SLC25A13: variants seen among roughly 807,000 people sequenced by gnomAD.
The protein encoded by SLC25A13 is electrogenic aspartate/glutamate antiporter SLC25A13, mitochondrial.
SLC25A13 carries 70 observed loss-of-function variants against 85.5 expected under a neutral mutation model. The ratio of observed to expected loss-of-function variants is 0.82; its 90% confidence interval spans 0.68 to 1.00. The LOEUF (loss-of-function observed/expected upper bound fraction) is 1.00, where lower values mean the gene tolerates loss of function less well. SLC25A13 is among the 50% of genes least tolerant of loss of function. SLC25A13 has a pLI of 0.00. For missense variants in SLC25A13, 765 were observed against 819.8 expected, an observed-to-expected ratio of 0.93 and a Z score of 0.82; for synonymous variants, 259 against 288.7, an observed-to-expected ratio of 0.90 and a Z score of 1.04.
At chr7:96,174,043 T>C (rs1002680756) in intron 11 of SLC25A13, among the ~76,000 whole-genome samples, 3 of 152,122 alleles carry the variant, frequency 2.0e-5, no homozygotes, top group African/African-American at 7.2e-5. Context: ...AGGAAGTGCA[T>C]TGGTGGACAG....
At chr7:96,277,104 A>C in intron 3 of SLC25A13, 92 bp downstream of exon 3, 1 of 1,248,136 alleles carries the variant, frequency 8.0e-7, no homozygotes, top group African/African-American at 1.5e-5. Context: ...AGAGATGGGA[A>C]GGTATACATT....
intron 3 of SLC25A13, among the ~76,000 whole-genome samples, chr7:96,260,438 A>G (rs553465630): frequency 1.3e-5 from 2 of 152,170 alleles, no homozygotes; most frequent in East Asian, 3.9e-4. Flanking sequence ...TCAATACAAA[A>G]AAGACCCCAA....
intron 1 of SLC25A13, among the ~76,000 whole-genome samples, chr7:96,306,151 G>A (rs908938057): frequency 2.0e-4 from 31 of 152,208 alleles, no homozygotes; most frequent in African/African-American, 7.2e-4. Context: ...CAGTTAGCAA[G>A]TGGCAGAGCC....
At position 96,148,210 on chromosome 7, in the gene SLC25A13, G is replaced by A. The variant is rs182845437; in HGVS notation, c.1312-1514C>T. ...AATACCAACCTGGGTTGGATTCACT[G>A]AAAGGCCCAAGAAAGGGCCTTAGTC... On this transcript the variant is annotated intron_variant, in intron 13 of 17. Transcript: ENST00000265631. Among the ~76,000 whole-genome samples the A allele has an allele frequency of 3.5e-3, 531 of 152,288 alleles. 3 individuals are homozygous for A. Among genetic ancestry groups the A allele is most frequent in the African/African-American group, 0.012 (509 of 41,548 alleles).
At position 96,131,899 on chromosome 7, in the gene SLC25A13, A is replaced by G; in HGVS notation, c.1453-18T>C. The G allele has an allele frequency of 6.2e-7, 1 of 1,613,948 alleles. No homozygotes were observed. Among genetic ancestry groups the G allele is most frequent in the Non-Finnish European group, 8.5e-7 (1 of 1,179,882 alleles). ...TTGGCACCCTGCACATTTGCAAAGGAAGAAAAACCACATGAAACACATATC... is the reference window on the plus strand; with the variant it reads ...TTGGCACCCTGCACATTTGCAAAGGGAGAAAAACCACATGAAACACATATC... On this transcript the variant is annotated intron_variant, in intron 14 of 17. Transcript: ENST00000265631.
At chr7:96,134,919 A>T (rs1240708327) in intron 14 of SLC25A13, among the ~76,000 whole-genome samples, 1 of 151,668 alleles carries the variant, frequency 6.6e-6, no homozygotes, top group Non-Finnish European at 1.5e-5. Context: ...GTTTATGCAG[A>T]CTAGAACAAA....
intron 4 of SLC25A13, among the ~76,000 whole-genome samples, chr7:96,226,853 A>T (rs1272334023): frequency 1.3e-5 from 2 of 151,996 alleles, no homozygotes; most frequent in Non-Finnish European, 2.9e-5. Context: ...ATGACTAGGC[A>T]ATTAATATCA....
At chr7:96,226,504 C>G (rs1796333028) in intron 4 of SLC25A13, among the ~76,000 whole-genome samples, 2 of 152,008 alleles carry the variant, frequency 1.3e-5, no homozygotes, top group African/African-American at 4.8e-5. Context: ...GGATAAATAT[C>G]CAGAAGTGAG....
At chr7:96,310,518 C>A (rs553498412) in intron 1 of SLC25A13, among the ~76,000 whole-genome samples, 4 of 152,316 alleles carry the variant, frequency 2.6e-5, no homozygotes, top group African/African-American at 9.6e-5. Context: ...CAGATTTCTC[C>A]ATTGTAAAGG....
intron 3 of SLC25A13, among the ~76,000 whole-genome samples, chr7:96,250,631 T>C (rs1329581812): frequency 6.7e-6 from 1 of 150,098 alleles, no homozygotes; most frequent in African/African-American, 2.5e-5. Context: ...AGAAAAAGTT[T>C]ACAAAAACTA....
chr7:96,135,059 CT>C (rs2116441112), intron 14 of SLC25A13, among the ~76,000 whole-genome samples: 1 of 152,118 alleles, frequency 6.6e-6, no homozygotes, highest in African/African-American at 2.4e-5. Context: ...TGATGAGCAC[CT>C]GTAGAAATCA....
chr7:96,176,254 G>A (rs1277186796), intron 11 of SLC25A13, among the ~76,000 whole-genome samples: 1 of 152,168 alleles, frequency 6.6e-6, no homozygotes, highest in Non-Finnish European at 1.5e-5. Context: ...GGGTAATTCA[G>A]CAGAAAAATC....
chr7:96,193,729 G>C (rs948008103), intron 5 of SLC25A13, among the ~76,000 whole-genome samples: 2 of 152,086 alleles, frequency 1.3e-5, no homozygotes, highest in Non-Finnish European at 2.9e-5. Flanking sequence ...TCTTTATTAC[G>C]GGAGGGCTGT....
chr7:96,313,011 T>G (rs1029634146), intron 1 of SLC25A13, among the ~76,000 whole-genome samples: 1 of 152,164 alleles, frequency 6.6e-6, no homozygotes, highest in Admixed American at 6.6e-5. Context: ...ATCAGGAAAG[T>G]GAAGCTGCAG....
At chr7:96,296,816 A>G in intron 2 of SLC25A13, 82 bp downstream of exon 2, 1 of 1,372,064 alleles carries the variant, frequency 7.3e-7, no homozygotes, top group East Asian at 2.3e-5. Flanking sequence ...TAACAACGAA[A>G]TAAAGAGCTG....
chr7:96,140,209 C>T (rs1279185637), intron 14 of SLC25A13, among the ~76,000 whole-genome samples: 4 of 151,558 alleles, frequency 2.6e-5, no homozygotes, highest in African/African-American at 7.3e-5. Flanking sequence ...CCGCCCGCCT[C>T]GGCCTCCCAA....
intron 11 of SLC25A13, among the ~76,000 whole-genome samples, chr7:96,177,675 A>C (rs1794275380): frequency 6.6e-6 from 1 of 152,220 alleles, no homozygotes; most frequent in Non-Finnish European, 1.5e-5. Context: ...GACAGTAAAG[A>C]CTACAGAAAT....
intron 1 of SLC25A13, among the ~76,000 whole-genome samples, chr7:96,298,697 C>T (rs551953867): frequency 4.6e-5 from 7 of 152,138 alleles, no homozygotes; most frequent in Non-Finnish European, 1.0e-4. Context: ...ACTCCCAAAA[C>T]GCTGGGATTA....
At chr7:96,290,354 G>T (rs1463808099) in intron 2 of SLC25A13, among the ~76,000 whole-genome samples, 1 of 152,154 alleles carries the variant, frequency 6.6e-6, no homozygotes. Flanking sequence ...ATGCTAGGGA[G>T]AAACTGTATG....
Sources: gnomAD v4.1 joint callset for allele counts (sites outside exome capture counted in the v4.1 genomes callset) on GRCh38, gnomAD v4.1.1 for gene constraint, MANE v1.5 for transcripts, NCBI Gene and HGNC (gene_info 2026-07-23, HGNC 2026-07-21) for gene names.